CASQ2: variants seen among roughly 807,000 people sequenced by gnomAD.
The protein encoded by CASQ2 is calsequestrin 2, also known as calsequestrin-2.
CASQ2 carries 49 observed loss-of-function variants against 46.5 expected under a neutral mutation model. That is an observed-to-expected ratio of 1.05 (90% CI 0.84 to 1.34). The LOEUF (loss-of-function observed/expected upper bound fraction) is 1.34, where lower values mean the gene tolerates loss of function less well. Among genes scored for constraint, CASQ2 ranks in the 40% most tolerant of loss-of-function variants. The pLI is 0.00. For missense variants in CASQ2, 486 were observed against 481.3 expected (o/e 1.01, Z -0.09); for synonymous variants, 174 against 168.5 (o/e 1.03, Z -0.25).
At chr1:115,708,666 G>A (rs1241694206) in intron 8 of CASQ2, among the ~76,000 whole-genome samples, 2 of 152,190 alleles carry the variant, frequency 1.3e-5, no homozygotes, top group Non-Finnish European at 1.5e-5. Context: ...CATATAGTAA[G>A]GTTTAGCCAT....
At chr1:115,750,135 G>A (rs1648527179) in intron 1 of CASQ2, among the ~76,000 whole-genome samples, 1 of 152,212 alleles carries the variant, frequency 6.6e-6, no homozygotes, top group Admixed American at 6.5e-5. Context: ...AAGTTCAAGG[G>A]CCTTGTGAGC....
chr1:115,736,369 G>A (rs983620657), intron 4 of CASQ2, among the ~76,000 whole-genome samples: 1 of 151,930 alleles, frequency 6.6e-6, no homozygotes, highest in Non-Finnish European at 1.5e-5. Flanking sequence ...GGGCACAGTG[G>A]CTCATGCCTG....
chr1:115,703,713 C>A (rs549890762), intron 9 of CASQ2, among the ~76,000 whole-genome samples: 1 of 152,060 alleles, frequency 6.6e-6, no homozygotes, highest in Non-Finnish European at 1.5e-5. Flanking sequence ...GAGTTTGAAA[C>A]CAGCCTGAGC....
intron 8 of CASQ2, among the ~76,000 whole-genome samples, chr1:115,717,562 G>A (rs575834529): frequency 2.0e-5 from 3 of 152,222 alleles, no homozygotes; most frequent in Admixed American, 2.0e-4. Context: ...CTCTTTCTCT[G>A]CTGCAAATCC....
intron 9 of CASQ2, among the ~76,000 whole-genome samples, chr1:115,703,709 G>C (rs552353460): frequency 6.6e-6 from 1 of 152,114 alleles, no homozygotes; most frequent in African/African-American, 2.4e-5. Context: ...CCAGGAGTTT[G>C]AAACCAGCCT....
intron 8 of CASQ2, among the ~76,000 whole-genome samples, chr1:115,712,498 T>G (rs1271695522): frequency 6.6e-6 from 1 of 152,186 alleles, no homozygotes; most frequent in Non-Finnish European, 1.5e-5. Flanking sequence ...GGGACATTAT[T>G]TAACTTCTTC....
intron 8 of CASQ2, among the ~76,000 whole-genome samples, chr1:115,713,767 T>C (rs572979931): frequency 3.3e-5 from 5 of 152,282 alleles, no homozygotes; most frequent in African/African-American, 1.2e-4. Context: ...GCGGCAGCAC[T>C]GCACATGCTC....
At chr1:115,716,012 T>G (rs1002477550) in intron 8 of CASQ2, among the ~76,000 whole-genome samples, 60 of 152,346 alleles carry the variant, frequency 3.9e-4, no homozygotes, top group African/African-American at 1.4e-3. Flanking sequence ...AACCGCTGTT[T>G]CCTGATCTGT....
At chr1:115,703,143 C>T (rs984001487) in intron 9 of CASQ2, 148 bp from the exon 10 acceptor site, 1 of 699,794 alleles carries the variant, frequency 1.4e-6, no homozygotes, top group Non-Finnish European at 2.6e-6. Flanking sequence ...AAGACTTGGC[C>T]CCAGCCTTCA....
chr1:115,761,485 AAGG>A (rs779358389), intron 1 of CASQ2, among the ~76,000 whole-genome samples: 2,697 of 21,276 alleles, frequency 0.13, 342 homozygotes, highest in East Asian at 0.23. Context: ...GAAGAAGAAG[AAGG>A]AGAAGAAGGA....
intron 3 of CASQ2, among the ~76,000 whole-genome samples, chr1:115,738,976 A>T (rs1323930970): frequency 6.8e-6 from 1 of 146,450 alleles, no homozygotes; most frequent in Non-Finnish European, 1.5e-5. Flanking sequence ...AACATGTTGT[A>T]TTAGTCTTTC....
At chr1:115,728,011 A>G (rs1408991194) in intron 5 of CASQ2, among the ~76,000 whole-genome samples, 1 of 152,212 alleles carries the variant, frequency 6.6e-6, no homozygotes, top group Non-Finnish European at 1.5e-5. Flanking sequence ...GCAACGCTCT[A>G]TAGAAAACCA....
At chr1:115,746,994 T>A (rs1166076023) in intron 1 of CASQ2, among the ~76,000 whole-genome samples, 3 of 152,346 alleles carry the variant, frequency 2.0e-5, no homozygotes, top group African/African-American at 7.2e-5. Context: ...TCAATTTTGA[T>A]GAAGTCCAGT....
At chr1:115,727,195 A>G in intron 5 of CASQ2, 73 bp from the exon 6 acceptor site, 1 of 1,154,232 alleles carries the variant, frequency 8.7e-7, no homozygotes, top group Non-Finnish European at 1.3e-6. Context: ...TCCATCTAAG[A>G]TAAGTGTGTA....
chr1:115,742,621 C>T (rs1302342938), intron 2 of CASQ2, among the ~76,000 whole-genome samples: 2 of 152,144 alleles, frequency 1.3e-5, no homozygotes, highest in African/African-American at 2.4e-5. Context: ...AGCTTGTCCA[C>T]CCAAAATTTT....
Position 115,766,877 on chromosome 1 carries a change from A to G in CASQ2, c.234+1431T>C, listed in dbSNP as rs1400709385. Among the ~76,000 whole-genome samples, 6 of 124,640 alleles carry G rather than the reference A, an allele frequency of 4.8e-5. No homozygotes were observed. The Admixed American group carries it at 5.3e-4, about 11-fold the overall frequency. The allele number at this position is 124,640 out of a possible 152,430, so 81.8% of individuals were successfully genotyped here. On this transcript the variant is annotated intron_variant, in intron 1 of 10. Transcript: ENST00000261448. ...GGGGAGCTAGAGATGATAGATAGAT[A>G]GATAGATAGATAGATAGATAGATAG...
chr1:115,737,680 C>T (rs2101091267), intron 4 of CASQ2, among the ~76,000 whole-genome samples: 1 of 152,308 alleles, frequency 6.6e-6, no homozygotes, highest in East Asian at 1.9e-4. Flanking sequence ...CCACCCAAAA[C>T]CTGGTCACAA....
At chr1:115,759,476 C>T (rs1648869044) in intron 1 of CASQ2, among the ~76,000 whole-genome samples, 1 of 152,166 alleles carries the variant, frequency 6.6e-6, no homozygotes, top group Admixed American at 6.5e-5. Context: ...CTGCTTTCTG[C>T]CATGAGTTGA....
intron 8 of CASQ2, among the ~76,000 whole-genome samples, chr1:115,708,517 G>C (rs1654433067): frequency 6.6e-6 from 1 of 152,206 alleles, no homozygotes; most frequent in African/African-American, 2.4e-5. Context: ...TGTACCCTTA[G>C]AGTGTGACTT....
Sources: gnomAD v4.1 joint callset for allele counts (sites outside exome capture counted in the v4.1 genomes callset) on GRCh38, gnomAD v4.1.1 for gene constraint, MANE v1.5 for transcripts, NCBI Gene and HGNC (gene_info 2026-07-23, HGNC 2026-07-21) for gene names.